The following BNC2 variants were observed in gnomAD, a reference collection of about 807,000 sequenced individuals.
The protein encoded by BNC2 is zinc finger protein basonuclin-2.
In BNC2, 20 loss-of-function variants were observed where a neutral mutation model predicts 76.3. The ratio of observed to expected loss-of-function variants is 0.26; its 90% CI spans 0.18 to 0.38. The LOEUF is 0.38. Among genes scored for constraint, BNC2 ranks in the 10% least tolerant of loss-of-function variants. The pLI is 1.00. For missense variants in BNC2, 1,382 were observed against 1,399.8 expected (o/e 0.99, Z 0.20); for synonymous variants, 582 against 514.8 (o/e 1.13, Z -1.77).
chr9:16,539,797 A>G (rs1587146476), intron 5 of BNC2, among the ~76,000 whole-genome samples: 1 of 144,674 alleles, frequency 6.9e-6, no homozygotes, highest in African/African-American at 2.6e-5. Flanking sequence ...AGGAAAGGAA[A>G]GGAAAGGAAA....
chr9:16,551,720 G>T (rs1818669412), intron 5 of BNC2, among the ~76,000 whole-genome samples: 1 of 152,174 alleles, frequency 6.6e-6, no homozygotes, highest in Admixed American at 6.5e-5. Context: ...CCCCTCAAGG[G>T]TTACAGGAAG....
intron 2 of BNC2, 104 bp downstream of exon 2, chr9:16,738,256 A>G: frequency 2.3e-6 from 3 of 1,301,292 alleles, no homozygotes; most frequent in Non-Finnish European, 3.3e-6. Context: ...AAAGACAGTA[A>G]AAGAGTGGCA....
intron 5 of BNC2, among the ~76,000 whole-genome samples, chr9:16,501,671 A>C (rs1822522179): frequency 6.6e-6 from 1 of 152,218 alleles, no homozygotes; most frequent in South Asian, 2.1e-4. Context: ...AGAAAATCTA[A>C]GAAGCATAAA....
intron 3 of BNC2, chr9:16,727,367 G>A (rs1210325119): frequency 5.2e-6 from 1 of 193,676 alleles, no homozygotes; most frequent in Non-Finnish European, 1.1e-5. Flanking sequence ...TGTTCTGAGG[G>A]GCCCCGAGAT....
chr9:16,607,631 T>G (rs78228929), intron 3 of BNC2, among the ~76,000 whole-genome samples: 1 of 152,242 alleles, frequency 6.6e-6, no homozygotes, highest in South Asian at 2.1e-4. Flanking sequence ...ACAACTCTAC[T>G]TGAACATAGC....
chr9:16,730,620 C>G (rs549287096), intron 2 of BNC2, among the ~76,000 whole-genome samples: 1 of 152,154 alleles, frequency 6.6e-6, no homozygotes, highest in African/African-American at 2.4e-5. Flanking sequence ...TCTAGTCTGC[C>G]CAGCCAGCAG....
rs7859409 is a variant in BNC2 at position 16,606,953 on chromosome 9, T to C, written c.331-23868A>G. ...ATGTGTGACTTGCTTCTAAACGGAC[T>C]AACACATTTATTGAGGCAGGGTCTC... On this transcript the variant is annotated intron_variant, in intron 3 of 6. Transcript: ENST00000380672. 9.2e-5 allele frequency among the ~76,000 whole-genome samples: 14 copies of C among 152,120 alleles called. 1 individual carries two copies. The East Asian group carries it at 1.9e-3, about 21-fold the overall frequency.
chr9:16,595,250 T>C (rs533395874), intron 3 of BNC2, among the ~76,000 whole-genome samples: 11 of 152,288 alleles, frequency 7.2e-5, no homozygotes, highest in African/African-American at 2.2e-4. Flanking sequence ...CCTTCTATTG[T>C]ACATCTAACT....
intron 1 of BNC2, among the ~76,000 whole-genome samples, chr9:16,840,774 G>A (rs1311182490): frequency 6.6e-6 from 1 of 152,156 alleles, no homozygotes; most frequent in Middle Eastern, 3.2e-3. Context: ...AGTTATTTCA[G>A]CAGTTCTAAT....
At chr9:16,643,177 G>A (rs942469792) in intron 3 of BNC2, among the ~76,000 whole-genome samples, 9 of 151,754 alleles carry the variant, frequency 5.9e-5, no homozygotes, top group Admixed American at 2.6e-4. Context: ...ATGGTGGTGC[G>A]TACCTATAAT....
rs977684569 is a variant in BNC2 at position 16,637,840 on chromosome 9, GA to G, written c.331-54756del. On this transcript the variant is annotated intron_variant, in intron 3 of 6. Transcript: ENST00000380672. ...GGTTGAACAAGATATATCAGGCAAAGAAAAAAAAATGCATAGATTCAAAATG... is the reference window on the plus strand; with the variant it reads ...GGTTGAACAAGATATATCAGGCAAAGAAAAAAAATGCATAGATTCAAAATG... Among the ~76,000 whole-genome samples, 5 of 150,804 alleles carry G rather than the reference GA, an allele frequency of 3.3e-5. No individual in the cohort carries two copies. The South Asian group carries it at 8.4e-4, about 25-fold the overall frequency.
intron 5 of BNC2, among the ~76,000 whole-genome samples, chr9:16,533,967 G>A (rs960054094): frequency 1.3e-5 from 2 of 149,524 alleles, no homozygotes; most frequent in Non-Finnish European, 1.5e-5. Flanking sequence ...TACAAAAAAC[G>A]TCTGACTTCT....
At chr9:16,813,591 A>AAATAT in intron 1 of BNC2, among the ~76,000 whole-genome samples, 1 of 152,304 alleles carries the variant, frequency 6.6e-6, no homozygotes, top group Middle Eastern at 3.4e-3. Context: ...TAGAGTCTTA[A>AAATAT]AAATCTATCC....
intron 3 of BNC2, among the ~76,000 whole-genome samples, chr9:16,724,704 C>A (rs1315849000): frequency 6.6e-6 from 1 of 152,086 alleles, no homozygotes; most frequent in Non-Finnish European, 1.5e-5. Context: ...GCAGATCCAA[C>A]TTTGCTCATA....
In BNC2 at chr9:16,614,118, G is replaced by A. The variant is rs115939406; in HGVS notation, c.331-31033C>T. ...GGAATGAAATTAACCAGAAATTAAC[G>A]CTTGGGATTGAAACCCAAAAATGTT... On this transcript the variant is annotated intron_variant, in intron 3 of 6. Transcript: ENST00000380672. 4.5e-3 allele frequency among the ~76,000 whole-genome samples: 679 copies of A among 152,278 alleles called. 8 individuals are homozygous for A. Among genetic ancestry groups the A allele is most frequent in the African/African-American group, 0.016 (649 of 41,536 alleles).
intron 3 of BNC2, among the ~76,000 whole-genome samples, chr9:16,683,336 A>G (rs1472369343): frequency 6.6e-6 from 1 of 152,212 alleles, no homozygotes; most frequent in Admixed American, 6.5e-5. Context: ...ATAAAAGTAA[A>G]CCAGATTTCA....
At chr9:16,828,774 A>C (rs904559592) in intron 1 of BNC2, among the ~76,000 whole-genome samples, 2 of 152,180 alleles carry the variant, frequency 1.3e-5, no homozygotes, top group Non-Finnish European at 2.9e-5. Context: ...CTGTCATGCA[A>C]CTTGAAAATC....
At chr9:16,566,230 A>G (rs546271335) in intron 4 of BNC2, among the ~76,000 whole-genome samples, 67 of 152,170 alleles carry the variant, frequency 4.4e-4, no homozygotes, top group Non-Finnish European at 4.7e-4. Flanking sequence ...ACCATACCTG[A>G]AACAAAATCA....
At chr9:16,423,032 C>T (rs1234983287) in intron 6 of BNC2, among the ~76,000 whole-genome samples, 2 of 152,136 alleles carry the variant, frequency 1.3e-5, no homozygotes, top group African/African-American at 4.8e-5. Flanking sequence ...CGAGAGAAGA[C>T]CCTAAAATGG....
Sources: gnomAD v4.1 joint callset for allele counts (sites outside exome capture counted in the v4.1 genomes callset) on GRCh38, gnomAD v4.1.1 for gene constraint, MANE v1.5 for transcripts, NCBI Gene and HGNC (gene_info 2026-07-23, HGNC 2026-07-21) for gene names.